The following PRORP variants were observed in gnomAD, a reference collection of about 807,000 sequenced individuals.
PRORP encodes mitochondrial ribonuclease P catalytic subunit.
Under a neutral mutation model 59.4 loss-of-function variants are expected in PRORP, and 51 were observed. The observed-to-expected ratio is 0.86, with a 90% confidence interval of 0.69 to 1.08. The LOEUF is 1.08. Ranked by LOEUF, PRORP falls within the 50% of genes least tolerant of loss-of-function variation. The probability of loss-of-function intolerance (pLI) is 0.00; values close to 1 mark genes in which losing one functional copy is unlikely to be tolerated. For missense variants in PRORP, 646 were observed against 690.3 expected (o/e 0.94, Z 0.72); for synonymous variants, 231 against 245.6 (o/e 0.94, Z 0.55).
rs1307508779 is a variant in PRORP, at chr14:35,277,498, A to C, written c.*3932A>C. The stretch of plus-strand genomic sequence containing the variant: ...CAAGCAGTCTGCTTGAGTCTGTGCT[A>C]AATAAACAAAGGAAGTTCCATTTAG... On this transcript the variant is annotated 3_prime_UTR_variant, in exon 8 of 8. Coordinates refer to ENST00000534898, the MANE Select transcript of PRORP (RefSeq NM_014672.4). The C allele has an allele frequency of 6.6e-6, 1 of 152,174 alleles. No homozygotes were observed. Among genetic ancestry groups the C allele is most frequent in the Non-Finnish European group, 1.5e-5 (1 of 68,036 alleles). The allele number at this position is 152,174 out of a possible 1,614,324, so 9.4% of individuals were successfully genotyped here. A position where few individuals can be genotyped will look rare whatever the true frequency, so the allele number is the denominator to read the frequency against.
At chr14:35,214,921 G>C (rs1224418189) in intron 5 of PRORP, among the ~76,000 whole-genome samples, 2 of 152,094 alleles carry the variant, frequency 1.3e-5, no homozygotes, top group Admixed American at 6.6e-5. Context: ...ACAAAACAAA[G>C]GTGGGTGTCT....
chr14:35,227,602 A>C (rs1595346521), intron 5 of PRORP, among the ~76,000 whole-genome samples: 1 of 152,060 alleles, frequency 6.6e-6, no homozygotes, highest in East Asian at 1.9e-4. Context: ...TTCCTCTTCC[A>C]TCCTGGTCTA....
At chr14:35,267,210 C>A (rs1348437569) in intron 6 of PRORP, among the ~76,000 whole-genome samples, 1 of 152,100 alleles carries the variant, frequency 6.6e-6, no homozygotes, top group Non-Finnish European at 1.5e-5. Flanking sequence ...AACAGGAGCA[C>A]CTTCTATGTT....
rs896349421 is a variant in PRORP at position 35,122,961 on chromosome 14, C to A, written c.-285C>A. On this transcript the variant is annotated 5_prime_UTR_variant, in exon 2 of 8. It adds an upstream start codon to the 5' untranslated region. Coordinates refer to ENST00000534898, the MANE Select transcript of PRORP (RefSeq NM_014672.4). ...TGTGCTTTTTCCTCAGGTTCATGAA[C>A]TGGAATGTAAGAGGCACCAGAGGAT... 7 of 360,756 alleles carry A rather than the reference C, an allele frequency of 1.9e-5. No individual in the cohort carries two copies. The highest frequency in any genetic ancestry group is 8.4e-4 in the Middle Eastern group (1 of 1,186). 22.3% of individuals were successfully genotyped at this position (360,756 alleles called of 1,614,324 possible). A position where few individuals can be genotyped will look rare whatever the true frequency, so the allele number is the denominator to read the frequency against.
At chr14:35,131,418 T>C (rs1035232380) in intron 4 of PRORP, among the ~76,000 whole-genome samples, 6 of 152,240 alleles carry the variant, frequency 3.9e-5, no homozygotes, top group Non-Finnish European at 7.3e-5. Flanking sequence ...TTCAGCACTT[T>C]AAATATGTCA....
intron 4 of PRORP, among the ~76,000 whole-genome samples, chr14:35,154,797 T>C (rs1330291231): frequency 6.6e-6 from 1 of 152,186 alleles, no homozygotes; most frequent in African/African-American, 2.4e-5. Context: ...GGGCCCTTAG[T>C]TCCTGATTTG....
intron 5 of PRORP, among the ~76,000 whole-genome samples, chr14:35,265,518 C>T (rs2051016559): frequency 6.6e-6 from 1 of 152,056 alleles, no homozygotes; most frequent in South Asian, 2.1e-4. Flanking sequence ...TTCATGTGCA[C>T]ACAATGAAGT....
intron 5 of PRORP, among the ~76,000 whole-genome samples, chr14:35,191,651 T>C (rs1420069652): frequency 6.6e-6 from 1 of 152,000 alleles, no homozygotes; most frequent in African/African-American, 2.4e-5. Flanking sequence ...TGCAGTGAGG[T>C]GTGATCATGC....
Position 35,266,739 on chromosome 14 carries a change from GTC to G in PRORP, c.1293_1294del (p.Gln432ThrfsTer27). 6.2e-7 allele frequency: 1 copy of G among 1,613,658 alleles called. No individual in the cohort carries two copies. The highest frequency in any genetic ancestry group is 8.5e-7 in the Non-Finnish European group (1 of 1,179,870). On this transcript the variant is annotated frameshift_variant, in exon 6 of 8. Coordinates refer to ENST00000534898, the MANE Select transcript of PRORP (RefSeq NM_014672.4). LOFTEE classifies it high-confidence loss of function. ...TTGTGTTTTTTAGCTCTTGAATGTCGTCTCTCAACTAGCCAAACGGAATCTGC... is the reference window on the plus strand; with the variant it reads ...TTGTGTTTTTTAGCTCTTGAATGTCGTCTCAACTAGCCAAACGGAATCTGC... The part of the protein sequence containing the change: ...VRESQLLLNV[V>X]SQLAKRNLRL...
In PRORP at chr14:35,168,868, C is replaced by T. The variant is rs938554629; in HGVS notation, c.1168-11802C>T. Among the ~76,000 whole-genome samples, 8 of 151,730 alleles carry T rather than the reference C, an allele frequency of 5.3e-5. No individual in the cohort carries two copies. In the East Asian group the frequency reaches 5.8e-4, roughly 11 times the overall value. On this transcript the variant is annotated intron_variant, in intron 4 of 7. Transcript: ENST00000534898. ...TTTTCTTCTAGAATTTTCATAGTTT[C>T]GGCTTTTAAGTTTATGAACTATTTA...
chr14:35,200,479 C>G (rs1357656996), intron 5 of PRORP, among the ~76,000 whole-genome samples: 3 of 152,018 alleles, frequency 2.0e-5, no homozygotes, highest in South Asian at 2.1e-4. Context: ...TGTGAGCCAC[C>G]GCGCCCGGCC....
chr14:35,135,957 CAAA>C (rs112374315), intron 4 of PRORP, among the ~76,000 whole-genome samples: 3 of 91,686 alleles, frequency 3.3e-5, no homozygotes, highest in Admixed American at 1.2e-4. Context: ...GACTCTGTCT[CAAA>C]AAAAAAAAAA....
chr14:35,211,518 G>A (rs1054029249), intron 5 of PRORP, among the ~76,000 whole-genome samples: 1 of 152,134 alleles, frequency 6.6e-6, no homozygotes, highest in African/African-American at 2.4e-5. Context: ...ATACTGCAGA[G>A]ATATTGCAAG....
At chr14:35,233,572 A>C (rs771408015) in intron 5 of PRORP, among the ~76,000 whole-genome samples, 1 of 140,246 alleles carries the variant, frequency 7.1e-6, no homozygotes, top group Non-Finnish European at 1.5e-5. Context: ...TTTTGTGGAG[A>C]AATCATCCTT....
chr14:35,136,015 CCT>C (rs1358216618), intron 4 of PRORP, among the ~76,000 whole-genome samples: 4 of 150,930 alleles, frequency 2.7e-5, no homozygotes, highest in African/African-American at 9.8e-5. Flanking sequence ...TTTAGAGAGA[CCT>C]CTCTGGCAGC....
chr14:35,192,350 C>T (rs1367888180), intron 5 of PRORP, among the ~76,000 whole-genome samples: 1 of 152,198 alleles, frequency 6.6e-6, no homozygotes, highest in Admixed American at 6.5e-5. Flanking sequence ...CTAGTCACTT[C>T]TGTCTGTATT....
rs1317348952 is a variant in PRORP, at chr14:35,246,222, C to T, written c.1276-20505C>T. 2.6e-5 allele frequency among the ~76,000 whole-genome samples: 4 copies of T among 152,220 alleles called. No homozygotes were observed. In the East Asian group the frequency reaches 5.8e-4, roughly 22 times the overall value. On this transcript the variant is annotated intron_variant, in intron 5 of 7. Transcript: ENST00000534898. ...ATTGAGTTGAACACGCAGACTATTT[C>T]ATTCTAGAAACTGATATCTTCTTAT...
intron 5 of PRORP, among the ~76,000 whole-genome samples, chr14:35,206,896 C>T (rs987098240): frequency 2.0e-5 from 3 of 152,078 alleles, no homozygotes; most frequent in Non-Finnish European, 4.4e-5. Context: ...CTTAGAAGGA[C>T]GATTAGAAGT....
intron 5 of PRORP, among the ~76,000 whole-genome samples, chr14:35,183,850 T>C (rs28452109): frequency 0.4 from 61,316 of 152,010 alleles, 12,854 homozygotes; most frequent in East Asian, 0.69. Flanking sequence ...TTTTTTTAAA[T>C]TGTGGGACAA....
Sources: allele counts gnomAD v4.1 joint callset (sites outside exome capture counted in the v4.1 genomes callset), GRCh38; gene constraint gnomAD v4.1.1; transcripts MANE v1.5; gene names NCBI Gene and HGNC (gene_info 2026-07-23, HGNC 2026-07-21).